Variants in WSCD2 observed in about 807,000 individuals in gnomAD.
WSCD2 encodes WSC domain sialate O sulfotransferase 2.
WSCD2 carries 28 observed loss-of-function variants against 55.7 expected under a neutral mutation model. The observed-to-expected ratio is 0.50, with a 90% CI of 0.37 to 0.69. The LOEUF (loss-of-function observed/expected upper bound fraction) is 0.69, where lower values mean the gene tolerates loss of function less well. Ranked by LOEUF, WSCD2 falls within the 30% of genes least tolerant of loss-of-function variation. The probability of loss-of-function intolerance (pLI) is 0.00; values close to 1 mark genes in which losing one functional copy is unlikely to be tolerated. For missense variants in WSCD2, 616 were observed against 762.1 expected (o/e 0.81, Z 2.26); for synonymous variants, 301 against 301.9 (o/e 1.00, Z 0.03).
chr12:108,247,869 G>C (rs1378011277), intron 8 of WSCD2, 122 bp from the exon 9 acceptor site: 5 of 1,128,124 alleles, frequency 4.4e-6, no homozygotes, highest in Non-Finnish European at 3.8e-6. Context: ...TATTATTACA[G>C]TTAATTGTTA....
chr12:108,190,846 G>A (rs762931860), intron 1 of WSCD2, among the ~76,000 whole-genome samples: 1 of 152,144 alleles, frequency 6.6e-6, no homozygotes, highest in African/African-American at 2.4e-5. Flanking sequence ...GGAAACTGAG[G>A]CTTAGAGAGG....
chr12:108,245,620 T>C (rs1890030436), intron 8 of WSCD2, among the ~76,000 whole-genome samples: 1 of 152,176 alleles, frequency 6.6e-6, no homozygotes, highest in Non-Finnish European at 1.5e-5. Flanking sequence ...TGTTGCTGGG[T>C]GCTGGGTGAC....
intron 1 of WSCD2, among the ~76,000 whole-genome samples, chr12:108,168,140 G>C (rs1879848357): frequency 6.6e-6 from 1 of 152,166 alleles, no homozygotes; most frequent in South Asian, 2.1e-4. Context: ...TGATGAATGG[G>C]GGCAACATTG....
chr12:108,181,275 G>T (rs1470678000), intron 1 of WSCD2, among the ~76,000 whole-genome samples: 1 of 152,116 alleles, frequency 6.6e-6, no homozygotes, highest in Non-Finnish European at 1.5e-5. Flanking sequence ...TATTCCTGGG[G>T]GTGTGTGGGC....
rs724832 is a variant in WSCD2 at position 108,224,839 on chromosome 12, C to T, written c.783C>T (p.Cys261=). 5,686 of 1,613,570 alleles carry T rather than the reference C, an allele frequency of 3.5e-3. 178 individuals are homozygous for T. In the African/African-American group the frequency reaches 0.066, roughly 19 times the overall value. The change falls in exon 5 of 9, where the codon TGC becomes TGT. Residue 261 remains cysteine (C), a synonymous_variant. Transcript: ENST00000547525. ...AAMLNMSVDK[C]VDFCTEKEYP... The stretch of plus-strand genomic sequence containing the variant: ...TGCTGAACATGTCTGTGGACAAATG[C>T]GTGGACTTCTGCACTGAGAAGGTGA...
chr12:108,224,929 T>C, intron 5 of WSCD2, 69 bp downstream of exon 5: 1 of 1,564,290 alleles, frequency 6.4e-7, no homozygotes, highest in Non-Finnish European at 8.6e-7. Flanking sequence ...AGGAACCACA[T>C]GCTTGGCTGG....
intron 1 of WSCD2, among the ~76,000 whole-genome samples, chr12:108,134,270 C>G (rs575030430): frequency 6.6e-6 from 1 of 152,194 alleles, no homozygotes; most frequent in Non-Finnish European, 1.5e-5. Context: ...AGCCATAAGA[C>G]GTCACTGCTC....
At chr12:108,242,830 C>T (rs373424721) in intron 8 of WSCD2, among the ~76,000 whole-genome samples, 1 of 152,300 alleles carries the variant, frequency 6.6e-6, no homozygotes, top group African/African-American at 2.4e-5. Context: ...AGCTCTAAAC[C>T]AATACTAAGG....
chr12:108,180,747 G>A (rs901799593), intron 1 of WSCD2, among the ~76,000 whole-genome samples: 5 of 152,226 alleles, frequency 3.3e-5, no homozygotes, highest in Non-Finnish European at 2.9e-5. Flanking sequence ...CAACTACCCA[G>A]CACCCACTAC....
intron 4 of WSCD2, among the ~76,000 whole-genome samples, chr12:108,213,653 A>G (rs1886490377): frequency 6.6e-6 from 1 of 152,194 alleles, no homozygotes; most frequent in South Asian, 2.1e-4. Flanking sequence ...CAAATCACCA[A>G]GCAGTGGGAG....
chr12:108,202,009 G>A (rs1275649916), intron 2 of WSCD2, among the ~76,000 whole-genome samples: 1 of 152,154 alleles, frequency 6.6e-6, no homozygotes, highest in Non-Finnish European at 1.5e-5. Flanking sequence ...CCCTCAAGTG[G>A]CCTGTGATTT....
intron 1 of WSCD2, among the ~76,000 whole-genome samples, chr12:108,134,274 A>T (rs1249178884): frequency 6.6e-6 from 1 of 152,014 alleles, no homozygotes; most frequent in Non-Finnish European, 1.5e-5. Context: ...ATAAGACGTC[A>T]CTGCTCTTCT....
At chr12:108,138,572 A>G (rs1168376822) in intron 1 of WSCD2, among the ~76,000 whole-genome samples, 1 of 152,218 alleles carries the variant, frequency 6.6e-6, no homozygotes, top group Admixed American at 6.5e-5. Flanking sequence ...GTAAGTACTC[A>G]ACAATGGTCA....
chr12:108,138,454 G>A (rs1459328870), intron 1 of WSCD2, among the ~76,000 whole-genome samples: 4 of 152,194 alleles, frequency 2.6e-5, no homozygotes, highest in Non-Finnish European at 5.9e-5. Flanking sequence ...GTAATCTTGA[G>A]CAGGTTGCAT....
rs1302175269 is a variant in WSCD2 at position 108,248,356 on chromosome 12, G to C, written c.*13G>C. On this transcript the variant is annotated 3_prime_UTR_variant, in exon 9 of 9. Transcript: ENST00000547525. This position sits in a 1 kb window ranked among gnomAD's most constrained non-coding sequence, Gnocchi z 4.3. Reference sequence around the variant, plus strand: ...CTACCCAAGATGATGCGTCCACACAGGGGGAGGGTAGACTGGGAGTCCTGA... The same window carrying C: ...CTACCCAAGATGATGCGTCCACACACGGGGAGGGTAGACTGGGAGTCCTGA... 6.2e-7 allele frequency: 1 copy of C among 1,601,642 alleles called. No individual in the cohort carries two copies. The highest frequency in any genetic ancestry group is 8.5e-7 in the Non-Finnish European group (1 of 1,171,478).
intron 8 of WSCD2, among the ~76,000 whole-genome samples, chr12:108,242,348 G>A (rs1435851552): frequency 6.6e-6 from 1 of 152,228 alleles, no homozygotes; most frequent in Non-Finnish European, 1.5e-5. Context: ...GGGGTAGAGA[G>A]GCCTCTGAAT....
chr12:108,242,288 T>A (rs1239932649), intron 8 of WSCD2, among the ~76,000 whole-genome samples: 1 of 152,166 alleles, frequency 6.6e-6, no homozygotes, highest in African/African-American at 2.4e-5. Flanking sequence ...CTCTTCTCAG[T>A]GAGGGGGTGG....
intron 1 of WSCD2, among the ~76,000 whole-genome samples, chr12:108,154,632 A>G (rs1021286411): frequency 2.6e-5 from 4 of 152,172 alleles, no homozygotes; most frequent in Non-Finnish European, 4.4e-5. Context: ...ACTCACCACA[A>G]AAGGGTTCCA....
rs749320126 is a variant in WSCD2, at chr12:108,240,491, G to C, written c.1292G>C (p.Arg431Pro). The C allele has an allele frequency of 6.2e-7, 1 of 1,612,876 alleles. No homozygotes were observed. Among genetic ancestry groups the C allele is most frequent in the Non-Finnish European group, 8.5e-7 (1 of 1,179,796 alleles). ...PYKALMAEFN[R>P]KYGGHIGFAA... ...AAAGCCCTCATGGCTGAGTTCAACC[G>C]CAAGTACGGCGGCCACATAGGCTTT... The change falls in exon 8 of 9, where the codon CGC becomes CCC. Residue 431 changes from arginine to proline, a missense_variant. Physicochemically the swap from Arg to Pro is moderately radical, Grantham distance 103 (BLOSUM62 -2). Coordinates refer to ENST00000547525, the MANE Select transcript of WSCD2 (RefSeq NM_014653.4).
Sources: gnomAD v4.1 joint callset for allele counts (sites outside exome capture counted in the v4.1 genomes callset) on GRCh38, gnomAD v4.1.1 for gene constraint, Gnocchi (gnomAD v3.1) non-coding constraint, MANE v1.5 for transcripts, NCBI Gene and HGNC (gene_info 2026-07-23, HGNC 2026-07-21) for gene names.